The following CADPS variants were observed in gnomAD, a reference collection of about 807,000 sequenced individuals.
The protein encoded by CADPS is calcium-dependent secretion activator 1.
Under a neutral mutation model 167.3 loss-of-function variants are expected in CADPS, and 57 were observed. That is an observed-to-expected ratio of 0.34 (90% CI 0.28 to 0.42). The LOEUF (loss-of-function observed/expected upper bound fraction) is 0.42. Among genes scored for constraint, CADPS ranks in the 20% least tolerant of loss-of-function variants. The pLI, the probability that CADPS is intolerant of heterozygous loss-of-function variation, is 1.00. For synonymous variants in CADPS, 676 were observed against 635.3 expected (o/e 1.06, Z -0.96); for missense variants, 1,414 against 1,738.1 (o/e 0.81, Z 3.32).
In CADPS at chr3:62,449,407, T is replaced by C. The variant is rs181770659; in HGVS notation, c.3637-3610A>G. Among the ~76,000 whole-genome samples the C allele has an allele frequency of 2.0e-3, 299 of 152,358 alleles. 2 individuals carry two copies. The highest frequency in any genetic ancestry group is 6.9e-3 in the African/African-American group (285 of 41,588). ...TTACATTCTTTACAGTAGATAAATGTAGCAGAGCGGAGAAATTGACAGAAC... is the reference window on the plus strand; with the variant it reads ...TTACATTCTTTACAGTAGATAAATGCAGCAGAGCGGAGAAATTGACAGAAC... On this transcript the variant is annotated intron_variant, in intron 26 of 29. Transcript: ENST00000383710.
chr3:62,522,558 T>C (rs900307820), intron 13 of CADPS, among the ~76,000 whole-genome samples: 3 of 152,156 alleles, frequency 2.0e-5, no homozygotes, highest in Non-Finnish European at 4.4e-5. Context: ...TCCCCGTCTT[T>C]GAGGCCCCCA....
chr3:62,812,480 A>G (rs560921612), intron 1 of CADPS, among the ~76,000 whole-genome samples: 1 of 152,272 alleles, frequency 6.6e-6, no homozygotes, highest in African/African-American at 2.4e-5. Flanking sequence ...TGAGTTAATA[A>G]AAAAGCCATC....
intron 1 of CADPS, among the ~76,000 whole-genome samples, chr3:62,778,340 A>G (rs2090819337): frequency 6.6e-6 from 1 of 152,130 alleles, no homozygotes; most frequent in African/African-American, 2.4e-5. Flanking sequence ...TTCAAATTTC[A>G]TTTTTTAGTA....
intron 23 of CADPS, among the ~76,000 whole-genome samples, chr3:62,476,653 C>T (rs1310397744): frequency 1.1e-4 from 16 of 152,146 alleles, no homozygotes; most frequent in Non-Finnish European, 8.8e-5. Context: ...GAGTCCCTAT[C>T]CACCTGTGAC....
At chr3:62,797,122 T>G (rs1237753964) in intron 1 of CADPS, among the ~76,000 whole-genome samples, 3 of 152,146 alleles carry the variant, frequency 2.0e-5, no homozygotes, top group African/African-American at 7.2e-5. Context: ...AACCCAAAAG[T>G]TTTCTCCTGG....
chr3:62,481,901 C>G (rs1248324051), intron 21 of CADPS, 32 bp from the exon 22 acceptor site: 1 of 1,597,946 alleles, frequency 6.3e-7, no homozygotes, highest in Non-Finnish European at 8.5e-7. Flanking sequence ...AGAAAAAATA[C>G]CATCACAGTG....
At chr3:62,710,277 G>T (rs1206872890) in intron 3 of CADPS, among the ~76,000 whole-genome samples, 1 of 151,808 alleles carries the variant, frequency 6.6e-6, no homozygotes, top group Non-Finnish European at 1.5e-5. Context: ...CCTCAACTGG[G>T]GTGGGGGAGG....
chr3:62,570,672 A>G (rs1236272855), intron 9 of CADPS, among the ~76,000 whole-genome samples, 200 bp downstream of exon 9: 4 of 152,224 alleles, frequency 2.6e-5, no homozygotes, highest in African/African-American at 9.6e-5. Context: ...AAAATAGAGA[A>G]TAGAGCACAA....
chr3:62,856,273 G>A (rs1354172411), intron 1 of CADPS, among the ~76,000 whole-genome samples: 3 of 151,978 alleles, frequency 2.0e-5, no homozygotes, highest in Non-Finnish European at 4.4e-5. Flanking sequence ...ATTTACTTAG[G>A]AATAAATTTA....
intron 3 of CADPS, among the ~76,000 whole-genome samples, chr3:62,745,025 A>G (rs1169965473): frequency 6.6e-6 from 1 of 152,174 alleles, no homozygotes; most frequent in Non-Finnish European, 1.5e-5. Flanking sequence ...CTGGCCCTGT[A>G]CCAACCACAT....
intron 1 of CADPS, among the ~76,000 whole-genome samples, chr3:62,815,726 G>A (rs184747935): frequency 1.3e-5 from 2 of 152,066 alleles, no homozygotes; most frequent in African/African-American, 4.8e-5. Flanking sequence ...ACAACTGATA[G>A]GGCTTTTAAG....
In CADPS at chr3:62,421,450, T is replaced by C. The variant is rs1211477453; in HGVS notation, c.3777+16654A>G. Among the ~76,000 whole-genome samples the C allele has an allele frequency of 6.6e-6, 1 of 152,218 alleles. No individual in the cohort carries two copies. The highest frequency in any genetic ancestry group is 1.5e-5 in the Non-Finnish European group (1 of 68,038). ...ATTCTTCCCTTTTTGCTGACAGATG[T>C]ACAAAGGCGGAACTGCGCCGTGCAG... On this transcript the variant is annotated intron_variant, in intron 28 of 29. Transcript: ENST00000383710. The surrounding 1 kb of genome is among the most constrained non-coding windows in gnomAD (Gnocchi z 4.7).
At chr3:62,817,530 T>G (rs1035032645) in intron 1 of CADPS, among the ~76,000 whole-genome samples, 2 of 152,186 alleles carry the variant, frequency 1.3e-5, no homozygotes, top group Non-Finnish European at 2.9e-5. Context: ...TCTTTAATTC[T>G]CTGATTTTTT....
At position 62,843,587 on chromosome 3, in the gene CADPS, G is replaced by A. The variant is rs183513250; in HGVS notation, c.441+31002C>T. ...TAACGTTGGACTCAACCTCATCTGG[G>A]TGCCAAGTTACTTCCATTATGTTGC... On this transcript the variant is annotated intron_variant, in intron 1 of 29. Transcript: ENST00000383710. Among the ~76,000 whole-genome samples the A allele has an allele frequency of 2.5e-4, 38 of 152,112 alleles. 1 individual carries two copies. Among genetic ancestry groups the A allele is most frequent in the Admixed American group, 2.3e-3 (35 of 15,260 alleles).
rs770078909 is a variant in CADPS at position 62,470,938 on chromosome 3, G to A, written c.3477+3235C>T. On this transcript the variant is annotated intron_variant, in intron 24 of 29. Coordinates refer to ENST00000383710, the MANE Select transcript of CADPS (RefSeq NM_003716.4). Reference sequence around the variant, plus strand: ...GTTGAGTCACATGGGGAGAGTATGGGTAGTCTTTTCTACTTTATCAAATAG... The same window carrying A: ...GTTGAGTCACATGGGGAGAGTATGGATAGTCTTTTCTACTTTATCAAATAG... 3.3e-5 allele frequency among the ~76,000 whole-genome samples: 5 copies of A among 152,210 alleles called. No individual in the cohort carries two copies. The South Asian group carries it at 1.0e-3, about 32-fold the overall frequency.
At chr3:62,606,092 G>A (rs2060655658) in intron 6 of CADPS, among the ~76,000 whole-genome samples, 1 of 152,098 alleles carries the variant, frequency 6.6e-6, no homozygotes, top group African/African-American at 2.4e-5. Flanking sequence ...GACCCCAGGG[G>A]ATAGATGAGA....
chr3:62,524,676 A>G (rs1385056527), intron 13 of CADPS, among the ~76,000 whole-genome samples: 1 of 152,216 alleles, frequency 6.6e-6, no homozygotes. Flanking sequence ...AAAGGATGAA[A>G]GTCGTGGAGA....
At chr3:62,586,408 T>C (rs548273064) in intron 7 of CADPS, among the ~76,000 whole-genome samples, 20 of 152,220 alleles carry the variant, frequency 1.3e-4, no homozygotes, top group Admixed American at 2.6e-4. Context: ...TCAGCTTCAC[T>C]AGTCATGCAA....
At chr3:62,497,899 G>C (rs1484918335) in intron 18 of CADPS, among the ~76,000 whole-genome samples, 1 of 152,186 alleles carries the variant, frequency 6.6e-6, no homozygotes, top group East Asian at 1.9e-4. Flanking sequence ...GTTGTGTTGG[G>C]ATGTAACTGC....
Sources: allele counts gnomAD v4.1 joint callset (sites outside exome capture counted in the v4.1 genomes callset), GRCh38; gene constraint gnomAD v4.1.1; non-coding constraint Gnocchi (gnomAD v3.1); transcripts MANE v1.5; gene names NCBI Gene and HGNC (gene_info 2026-07-23, HGNC 2026-07-21).